Variants in TRIM16 observed in about 807,000 individuals in gnomAD.
TRIM16 encodes tripartite motif-containing protein 16.
Under a neutral mutation model 50.4 loss-of-function variants are expected in TRIM16, and 33 were observed. The observed-to-expected ratio is 0.65, with a 90% confidence interval of 0.50 to 0.88. The LOEUF is 0.88. TRIM16 is among the 40% of genes least tolerant of loss of function. The probability of loss-of-function intolerance (pLI) is 0.00; values close to 1 mark genes in which losing one functional copy is unlikely to be tolerated. For missense variants in TRIM16, 581 were observed against 686.8 expected (o/e 0.85, Z 1.72); for synonymous variants, 229 against 270.7 (o/e 0.85, Z 1.51).
At chr17:15,637,160 G>A in intron 8 of TRIM16, among the ~76,000 whole-genome samples, 1 of 145,756 alleles carries the variant, frequency 6.9e-6, no homozygotes, top group South Asian at 2.2e-4. Context: ...GCCCCATCCG[G>A]GAGGGAGGTG....
At chr17:15,652,036 TTA>T (rs1433349931) in intron 6 of TRIM16, 90 bp from the exon 7 acceptor site, 1 of 1,013,048 alleles carries the variant, frequency 9.9e-7, no homozygotes, top group Non-Finnish European at 1.2e-6. Flanking sequence ...GTTTTCATTT[TTA>T]AAGAGAAGTA....
chr17:15,659,325 G>A (rs1308751315), intron 6 of TRIM16, among the ~76,000 whole-genome samples: 1 of 152,122 alleles, frequency 6.6e-6, no homozygotes, highest in Non-Finnish European at 1.5e-5. Context: ...TGTGGTGCAC[G>A]GGCACCGCTT....
chr17:15,645,588 C>G (rs1050190720), intron 7 of TRIM16, among the ~76,000 whole-genome samples: 2 of 145,442 alleles, frequency 1.4e-5, no homozygotes, highest in African/African-American at 2.8e-5. Flanking sequence ...AAAAAAGAAT[C>G]GCTTTCACTG....
chr17:15,680,749 T>C (rs1347583576), intron 4 of TRIM16, 116 bp downstream of exon 4: 6 of 1,238,646 alleles, frequency 4.8e-6, no homozygotes, highest in Admixed American at 2.8e-5. Context: ...ACAAGCTTCA[T>C]GCTAAGAGAA....
At chr17:15,655,728 C>G (rs1262201709) in intron 6 of TRIM16, among the ~76,000 whole-genome samples, 1 of 152,134 alleles carries the variant, frequency 6.6e-6, no homozygotes, top group Non-Finnish European at 1.5e-5. Flanking sequence ...GCACCCACCA[C>G]CATGCCTGGT....
intron 6 of TRIM16, among the ~76,000 whole-genome samples, chr17:15,655,579 C>T (rs1172497976): frequency 1.4e-4 from 21 of 146,626 alleles, no homozygotes; most frequent in African/African-American, 4.7e-4. Context: ...TGATCTCTCT[C>T]TTTTTTTTTT....
chr17:15,631,536 T>G, intron 11 of TRIM16, 83 bp downstream of exon 11: 1 of 1,309,008 alleles, frequency 7.6e-7, no homozygotes, highest in Non-Finnish European at 1.1e-6. Context: ...ACCTGAAACC[T>G]AGATGAGAGA....
At chr17:15,658,659 G>T in intron 6 of TRIM16, 1 of 212,788 alleles carries the variant, frequency 4.7e-6, no homozygotes, top group Non-Finnish European at 8.1e-6. Flanking sequence ...GTGTAGGATT[G>T]GGAATGTCCG....
At chr17:15,635,381 AC>A (rs1986684809) in intron 9 of TRIM16, among the ~76,000 whole-genome samples, 1 of 148,844 alleles carries the variant, frequency 6.7e-6, no homozygotes, top group Non-Finnish European at 1.5e-5. Context: ...CCAATGGCTT[AC>A]GGTTTGATGT....
At chr17:15,633,022 T>C in intron 9 of TRIM16, 1 of 166,022 alleles carries the variant, frequency 6.0e-6, no homozygotes, top group Non-Finnish European at 1.3e-5. Flanking sequence ...AGTACTTGTT[T>C]TTTGACAATT....
At chr17:15,652,823 G>C (rs1407549643) in intron 6 of TRIM16, among the ~76,000 whole-genome samples, 3 of 151,970 alleles carry the variant, frequency 2.0e-5, no homozygotes, top group Non-Finnish European at 4.4e-5. Context: ...AGTAATGTCC[G>C]TCACACTCGT....
At chr17:15,677,849 T>C (rs1251547545) in intron 4 of TRIM16, 128 bp from the exon 5 acceptor site, 1 of 773,482 alleles carries the variant, frequency 1.3e-6, no homozygotes, top group African/African-American at 1.9e-5. Context: ...TCTTAAAATC[T>C]TAAAATGTGT....
chr17:15,649,427 C>T (rs140239880), intron 7 of TRIM16, among the ~76,000 whole-genome samples: 45 of 152,176 alleles, frequency 3.0e-4, no homozygotes, highest in East Asian at 9.7e-4. Context: ...GCTGGGACTA[C>T]AGTCGCCCGC....
At chr17:15,634,274 A>T (rs1986600180) in intron 9 of TRIM16, among the ~76,000 whole-genome samples, 1 of 147,630 alleles carries the variant, frequency 6.8e-6, no homozygotes, top group South Asian at 2.2e-4. Flanking sequence ...GCTTTCAGTG[A>T]GCCAAGATCG....
chr17:15,637,219 G>C (rs1373234626), intron 8 of TRIM16, among the ~76,000 whole-genome samples: 1 of 127,652 alleles, frequency 7.8e-6, no homozygotes, highest in Admixed American at 7.5e-5. Flanking sequence ...GGAGGGAGGT[G>C]GGGGGGTCAG....
intron 6 of TRIM16, among the ~76,000 whole-genome samples, chr17:15,668,450 T>G (rs1396345615): frequency 6.6e-6 from 1 of 152,192 alleles, no homozygotes; most frequent in Admixed American, 6.5e-5. Context: ...ACTTCTCTGG[T>G]TAAAATCTTT....
chr17:15,653,797 A>T (rs1987841295), intron 6 of TRIM16, among the ~76,000 whole-genome samples: 1 of 152,226 alleles, frequency 6.6e-6, no homozygotes, highest in Non-Finnish European at 1.5e-5. Flanking sequence ...CTAGCTCCTT[A>T]GAAGAAAGAG....
At chr17:15,675,824 T>C (rs1988913765) in intron 6 of TRIM16, among the ~76,000 whole-genome samples, 3 of 147,552 alleles carry the variant, frequency 2.0e-5, no homozygotes, top group African/African-American at 2.5e-5. Flanking sequence ...TTTGCATATA[T>C]AATATAAAAA....
At chr17:15,672,256 G>C (rs919888945) in intron 6 of TRIM16, among the ~76,000 whole-genome samples, 3 of 150,142 alleles carry the variant, frequency 2.0e-5, no homozygotes, top group African/African-American at 7.4e-5. Flanking sequence ...CTACCAAAAA[G>C]AGATCAAAAT....
Sources: gnomAD v4.1 joint callset for allele counts (sites outside exome capture counted in the v4.1 genomes callset) on GRCh38, gnomAD v4.1.1 for gene constraint, MANE v1.5 for transcripts, NCBI Gene and HGNC (gene_info 2026-07-23, HGNC 2026-07-21) for gene names.